Variants in CAB39 observed in about 807,000 individuals in gnomAD.
CAB39 encodes the protein calcium-binding protein 39.
Under a neutral mutation model 40.0 loss-of-function variants are expected in CAB39, and 8 were observed. That is an observed-to-expected ratio of 0.20 (90% confidence interval 0.12 to 0.36). CAB39 has a LOEUF of 0.36. Among genes scored for constraint, CAB39 ranks in the 10% least tolerant of loss-of-function variants. The pLI is 1.00. For missense variants in CAB39, 270 were observed against 401.1 expected, an observed-to-expected ratio of 0.67 and a Z score of 2.79; for synonymous variants, 156 against 141.6, an observed-to-expected ratio of 1.10 and a Z score of -0.72.
chr2:230,798,591 T>A lies in CAB39; in HGVS notation c.399-138T>A, dbSNP rs1376481048. 7 of 639,802 alleles carry A rather than the reference T, an allele frequency of 1.1e-5. No homozygotes were observed. In the East Asian group the frequency reaches 2.1e-4, roughly 19 times the overall value. The allele number at this position is 639,802 out of a possible 1,614,324, so 39.6% of individuals were successfully genotyped here. A position where few individuals can be genotyped will look rare whatever the true frequency, so the allele number is the denominator to read the frequency against. The stretch of plus-strand genomic sequence containing the variant: ...ATGCTCTGCTCCGACTGAAATACCT[T>A]CTGTAATCTGCGATGGTCATTTAGT... On this transcript the variant is annotated intron_variant, in intron 4 of 8. Coordinates refer to ENST00000258418, the MANE Select transcript of CAB39 (RefSeq NM_016289.4).
At chr2:230,733,137 T>G (rs1177813567) in intron 1 of CAB39, among the ~76,000 whole-genome samples, 1 of 152,162 alleles carries the variant, frequency 6.6e-6, no homozygotes, top group African/African-American at 2.4e-5. Flanking sequence ...AGTCACAGAT[T>G]AGTAGGGGTG....
intron 4 of CAB39, among the ~76,000 whole-genome samples, chr2:230,798,434 C>A (rs1696028817): frequency 6.6e-6 from 1 of 152,156 alleles, no homozygotes; most frequent in Admixed American, 6.5e-5. Context: ...CGAAATACTT[C>A]TCTTGAAATC....
At chr2:230,799,064 C>CT in intron 5 of CAB39, 167 bp downstream of exon 5, 1 of 517,066 alleles carries the variant, frequency 1.9e-6, no homozygotes, top group Non-Finnish European at 3.3e-6. Flanking sequence ...AAAGTCACAG[C>CT]TTTAAAAGGG....
intron 2 of CAB39, among the ~76,000 whole-genome samples, chr2:230,788,164 C>T (rs1182868771): frequency 1.3e-5 from 2 of 151,510 alleles, no homozygotes; most frequent in African/African-American, 4.8e-5. Context: ...GTTTTTATAG[C>T]CTTTATGTTA....
Position 230,724,017 on chromosome 2 carries a change from G to C in CAB39, c.-44+10787G>C, listed in dbSNP as rs527274374. ...CCAACACTTTGGGAGGCTGAGGTTG[G>C]TGGATCCCTTGAGGCCTTTAGGAGT... On this transcript the variant is annotated intron_variant, in intron 1 of 8. Coordinates refer to ENST00000258418, the MANE Select transcript of CAB39 (RefSeq NM_016289.4). Among the ~76,000 whole-genome samples, 3 of 152,188 alleles carry C rather than the reference G, an allele frequency of 2.0e-5. No individual in the cohort carries two copies. In the South Asian group the frequency reaches 6.2e-4, roughly 32 times the overall value.
intron 2 of CAB39, among the ~76,000 whole-genome samples, chr2:230,786,100 CT>C (rs1279032692): frequency 7.1e-6 from 1 of 140,304 alleles, no homozygotes; most frequent in Non-Finnish European, 1.5e-5. Flanking sequence ...GGAGGTGGAA[CT>C]TGCAGTGAGC....
intron 1 of CAB39, among the ~76,000 whole-genome samples, chr2:230,746,380 T>C (rs943955194): frequency 6.6e-6 from 1 of 152,148 alleles, no homozygotes; most frequent in Non-Finnish European, 1.5e-5. Context: ...AATCAATGAC[T>C]CATTCCAGTT....
Position 230,724,805 on chromosome 2 carries a change from C to G in CAB39, c.-44+11575C>G, listed in dbSNP as rs575026396. 1.0e-4 allele frequency among the ~76,000 whole-genome samples: 12 copies of G among 120,134 alleles called. No individual in the cohort carries two copies. The South Asian group carries it at 2.3e-3, about 23-fold the overall frequency. 78.8% of individuals were successfully genotyped at this position (120,134 alleles called of 152,430 possible). A position where few individuals can be genotyped will look rare whatever the true frequency, so the allele number is the denominator to read the frequency against. On this transcript the variant is annotated intron_variant, in intron 1 of 8. Coordinates refer to ENST00000258418, the MANE Select transcript of CAB39 (RefSeq NM_016289.4). ...GACTTTATTGATCTAAAAAACTTTACAAGGACAGTGACTGTTGTGCCAAAA... is the reference window on the plus strand; with the variant it reads ...GACTTTATTGATCTAAAAAACTTTAGAAGGACAGTGACTGTTGTGCCAAAA...
intron 1 of CAB39, among the ~76,000 whole-genome samples, chr2:230,749,431 A>G (rs1695046517): frequency 6.6e-6 from 1 of 152,122 alleles, no homozygotes; most frequent in African/African-American, 2.4e-5. Context: ...TACACTTTTT[A>G]TATTTAGAAA....
chr2:230,776,545 A>G (rs566875121), intron 2 of CAB39, among the ~76,000 whole-genome samples: 1 of 152,302 alleles, frequency 6.6e-6, no homozygotes, highest in South Asian at 2.1e-4. Context: ...ATAGAATCAT[A>G]TAGTGTGTAA....
At chr2:230,774,992 T>C (rs1559606026) in intron 2 of CAB39, among the ~76,000 whole-genome samples, 2 of 152,214 alleles carry the variant, frequency 1.3e-5, no homozygotes, top group Non-Finnish European at 2.9e-5. Context: ...ATTTCACATC[T>C]TGGTCTTCAT....
chr2:230,757,938 T>C lies in CAB39; in HGVS notation c.-43-2021T>C, dbSNP rs377043373. Among the ~76,000 whole-genome samples, 40 of 152,112 alleles carry C rather than the reference T, an allele frequency of 2.6e-4. 1 individual carries two copies. The East Asian group carries it at 6.0e-3, about 23-fold the overall frequency. ...CGATCATATGACAGCTAGTTAAGAG[T>C]GACTCCCCTAACGTCAGTTCAAACT... On this transcript the variant is annotated intron_variant, in intron 1 of 8. Coordinates refer to ENST00000258418, the MANE Select transcript of CAB39 (RefSeq NM_016289.4).
intron 1 of CAB39, among the ~76,000 whole-genome samples, chr2:230,716,869 G>A (rs1032017272): frequency 4.6e-5 from 7 of 152,314 alleles, no homozygotes; most frequent in African/African-American, 7.2e-5. Context: ...GCATGGTGGT[G>A]TGTGTGCCTG....
intron 6 of CAB39, among the ~76,000 whole-genome samples, chr2:230,812,421 C>T (rs1696321527): frequency 6.6e-6 from 1 of 152,178 alleles, no homozygotes; most frequent in Non-Finnish European, 1.5e-5. Flanking sequence ...AAGAAAAAAT[C>T]TAACATAACC....
chr2:230,788,403 G>A (rs62193639), intron 2 of CAB39, among the ~76,000 whole-genome samples: 16,987 of 151,750 alleles, frequency 0.11, 1,179 homozygotes, highest in Middle Eastern at 0.16. Flanking sequence ...TATTGTTGCC[G>A]TATTTTTTGT....
chr2:230,754,173 A>G (rs1023438365), intron 1 of CAB39, among the ~76,000 whole-genome samples: 6 of 152,238 alleles, frequency 3.9e-5, no homozygotes, highest in South Asian at 2.1e-4. Context: ...TTTTTCCCAT[A>G]GGTTATTGGG....
At chr2:230,786,072 G>A (rs1350999355) in intron 2 of CAB39, among the ~76,000 whole-genome samples, 3 of 149,280 alleles carry the variant, frequency 2.0e-5, no homozygotes, top group African/African-American at 4.9e-5. Context: ...GCTGAGGCAG[G>A]AGAATGGCAT....
chr2:230,748,382 G>A (rs1255539113), intron 1 of CAB39, among the ~76,000 whole-genome samples: 1 of 152,158 alleles, frequency 6.6e-6, no homozygotes, highest in Non-Finnish European at 1.5e-5. Flanking sequence ...ACACTGGTGT[G>A]TGGTTGTCCT....
At chr2:230,760,165 A>T (rs1695265489) in intron 2 of CAB39, 50 bp downstream of exon 2, 1 of 1,132,810 alleles carries the variant, frequency 8.8e-7, no homozygotes, top group Non-Finnish European at 1.3e-6. Flanking sequence ...TAGCAAATGC[A>T]AGACACCTTA....
Sources: gnomAD v4.1 joint callset for allele counts (sites outside exome capture counted in the v4.1 genomes callset) on GRCh38, gnomAD v4.1.1 for gene constraint, MANE v1.5 for transcripts, NCBI Gene and HGNC (gene_info 2026-07-23, HGNC 2026-07-21) for gene names.